KIF16B: variants seen among roughly 807,000 people sequenced by gnomAD.
KIF16B encodes kinesin family member 16B, also known as kinesin-like protein KIF16B.
In KIF16B, 98 loss-of-function variants were observed where a neutral mutation model predicts 156.3. The observed-to-expected ratio is 0.63, with a 90% CI of 0.53 to 0.74. The LOEUF is 0.74. KIF16B is among the 30% of genes least tolerant of loss of function. The pLI is 0.00. For missense variants in KIF16B, 1,421 were observed against 1,606.5 expected (o/e 0.88, Z 1.97); for synonymous variants, 564 against 583.7 (o/e 0.97, Z 0.49).
chr20:16,551,943 G>A (rs895147071), intron 1 of KIF16B, among the ~76,000 whole-genome samples: 4 of 152,202 alleles, frequency 2.6e-5, no homozygotes, highest in African/African-American at 7.2e-5. Flanking sequence ...GAGGGTGGGC[G>A]TGGGGGCGCG....
At position 16,272,709 on chromosome 20, in the gene KIF16B, T is replaced by G. The variant is rs1029346845; in HGVS notation, c.*544A>C. ...GAAATTCTGTGTAAACATCAGTGTT[T>G]GGGTTTTATATAAAAGTTCTGATTC... On this transcript the variant is annotated 3_prime_UTR_variant, in exon 26 of 26. Coordinates refer to ENST00000354981, the MANE Select transcript of KIF16B (RefSeq NM_024704.5). The G allele has an allele frequency of 2.6e-5, 4 of 152,780 alleles. No individual in the cohort carries two copies. Among genetic ancestry groups the G allele is most frequent in the African/African-American group, 9.7e-5 (4 of 41,450 alleles). 9.5% of individuals were successfully genotyped at this position (152,780 alleles called of 1,614,324 possible).
chr20:16,476,203 C>A (rs2067806729), intron 12 of KIF16B, among the ~76,000 whole-genome samples: 1 of 152,142 alleles, frequency 6.6e-6, no homozygotes, highest in Admixed American at 6.6e-5. Flanking sequence ...ACATTTATTC[C>A]CATTACTATT....
rs549389831 is a variant in KIF16B, at chr20:16,286,167, T to C, written c.3796-12756A>G. ...ACAGTAGGTACTCAGTCAATATTTGTTGAATGAAATAATGAAGAATGAAGA... is the reference window on the plus strand; with the variant it reads ...ACAGTAGGTACTCAGTCAATATTTGCTGAATGAAATAATGAAGAATGAAGA... On this transcript the variant is annotated intron_variant, in intron 25 of 25. Transcript: ENST00000354981. Among the ~76,000 whole-genome samples, 29 of 152,312 alleles carry C rather than the reference T, an allele frequency of 1.9e-4. No individual in the cohort carries two copies. The South Asian group carries it at 4.6e-3, about 24-fold the overall frequency.
At chr20:16,342,490 TA>T (rs1232625443) in intron 23 of KIF16B, among the ~76,000 whole-genome samples, 1 of 152,212 alleles carries the variant, frequency 6.6e-6, no homozygotes, top group Admixed American at 6.5e-5. Context: ...AAGCATGGCC[TA>T]CTGGAGTCTT....
chr20:16,276,587 C>T (rs1012936188), intron 25 of KIF16B, among the ~76,000 whole-genome samples: 10 of 152,166 alleles, frequency 6.6e-5, no homozygotes, highest in Non-Finnish European at 1.5e-4. Context: ...TTCTTTGCAG[C>T]GACCTCAAAG....
chr20:16,434,509 T>TC (rs1235491071), intron 12 of KIF16B, among the ~76,000 whole-genome samples: 76 of 151,376 alleles, frequency 5.0e-4, no homozygotes, highest in Admixed American at 5.0e-3. Flanking sequence ...AAATCTATTT[T>TC]TTCCCCCTCT....
chr20:16,540,227 T>C (rs2070141378), intron 1 of KIF16B, among the ~76,000 whole-genome samples: 1 of 152,180 alleles, frequency 6.6e-6, no homozygotes, highest in African/African-American at 2.4e-5. Context: ...GCGTCTATGA[T>C]TCTAGATGCA....
intron 24 of KIF16B, among the ~76,000 whole-genome samples, chr20:16,321,572 C>T (rs936079784): frequency 1.3e-5 from 2 of 152,014 alleles, no homozygotes; most frequent in Non-Finnish European, 2.9e-5. Flanking sequence ...CCCTACACAG[C>T]GTTAGAAGTA....
At chr20:16,368,029 G>A (rs974328983) in intron 22 of KIF16B, 33 of 1,405,324 alleles carry the variant, frequency 2.3e-5, no homozygotes, top group Non-Finnish European at 2.9e-5. Flanking sequence ...GAGCAAACAC[G>A]CTGGTTGAGG....
chr20:16,383,458 TATTTATTCTACTGACAA>T (rs942254098), intron 17 of KIF16B, among the ~76,000 whole-genome samples: 1 of 152,202 alleles, frequency 6.6e-6, no homozygotes, highest in African/African-American at 2.4e-5. Flanking sequence ...GATAGCAATA[TATTTATTCTACTGACAA>T]ATGGAAATAA....
At chr20:16,404,723 GTT>G in intron 17 of KIF16B, 88 bp downstream of exon 17, 2 of 1,026,226 alleles carry the variant, frequency 1.9e-6, no homozygotes, top group Non-Finnish European at 3.0e-6. Flanking sequence ...CGTTGCAGAA[GTT>G]TTATTTTTAC....
At chr20:16,367,276 G>A in intron 22 of KIF16B, 1 of 1,612,824 alleles carries the variant, frequency 6.2e-7, no homozygotes, top group Non-Finnish European at 8.5e-7. Context: ...CTGGACATTT[G>A]GGGCTTCCTG....
chr20:16,562,630 C>T (rs2071104862), intron 1 of KIF16B, among the ~76,000 whole-genome samples: 1 of 152,176 alleles, frequency 6.6e-6, no homozygotes. Context: ...CTTCCCGGCA[C>T]AGTTCCAGGC....
chr20:16,402,390 C>T (rs1428840765), intron 17 of KIF16B, among the ~76,000 whole-genome samples: 1 of 152,164 alleles, frequency 6.6e-6, no homozygotes, highest in Non-Finnish European at 1.5e-5. Flanking sequence ...AATGGTGCCC[C>T]CGTCCTAGAA....
intron 2 of KIF16B, 108 bp downstream of exon 2, chr20:16,528,263 A>C: frequency 4.9e-6 from 4 of 821,240 alleles, no homozygotes; most frequent in Non-Finnish European, 8.2e-6. Flanking sequence ...CTGCACTGGA[A>C]AGGAGGGTGT....
intron 25 of KIF16B, among the ~76,000 whole-genome samples, chr20:16,297,856 G>C (rs1252619367): frequency 6.6e-6 from 1 of 152,094 alleles, no homozygotes; most frequent in Admixed American, 6.5e-5. Flanking sequence ...CCAGCTGCCA[G>C]TGCACCTAGT....
chr20:16,280,729 T>C (rs935602376), intron 25 of KIF16B, among the ~76,000 whole-genome samples: 2 of 152,166 alleles, frequency 1.3e-5, no homozygotes, highest in African/African-American at 4.8e-5. Flanking sequence ...ATCCCGAAGG[T>C]TCAAGCCCGT....
At chr20:16,431,150 C>A (rs2066488269) in intron 12 of KIF16B, among the ~76,000 whole-genome samples, 1 of 152,048 alleles carries the variant, frequency 6.6e-6, no homozygotes, top group Non-Finnish European at 1.5e-5. Flanking sequence ...AAGCCACCCG[C>A]AGCACGTGCC....
At chr20:16,496,552 T>C (rs1447554830) in intron 11 of KIF16B, among the ~76,000 whole-genome samples, 1 of 152,194 alleles carries the variant, frequency 6.6e-6, no homozygotes. Context: ...AAAAACTAGA[T>C]GATAATTTAG....
Sources: gnomAD v4.1 joint callset for allele counts (sites outside exome capture counted in the v4.1 genomes callset) on GRCh38, gnomAD v4.1.1 for gene constraint, MANE v1.5 for transcripts, NCBI Gene and HGNC (gene_info 2026-07-23, HGNC 2026-07-21) for gene names.